The following CCNYL1 variants were observed in gnomAD, a reference collection of about 807,000 sequenced individuals.
CCNYL1 encodes the protein cyclin Y like 1.
Under a neutral mutation model 44.2 loss-of-function variants are expected in CCNYL1, and 16 were observed. The observed-to-expected ratio is 0.36, with a 90% confidence interval of 0.25 to 0.55. The LOEUF is 0.55. Ranked by LOEUF, CCNYL1 falls within the 20% of genes least tolerant of loss-of-function variation. CCNYL1 has a pLI of 0.85. For synonymous variants in CCNYL1, 159 were observed against 163.2 expected, an observed-to-expected ratio of 0.97 and a Z score of 0.20; for missense variants, 348 against 451.8, an observed-to-expected ratio of 0.77 and a Z score of 2.08.
chr2:207,712,006 C>T lies in CCNYL1; in HGVS notation c.110C>T (p.Ser37Phe). Reference sequence around the variant, plus strand: ...GCGTCCGACATCTACGAGGCGGTGTCCGGGGACGCGGTGGCGGTAGCGCCC... The same window carrying T: ...GCGTCCGACATCTACGAGGCGGTGTTCGGGGACGCGGTGGCGGTAGCGCCC... ...YCASDIYEAV[S>F]GDAVAVAPAV... The change falls in exon 1 of 10, where the codon TCC (serine) becomes TTC (phenylalanine). Residue 37 changes from serine (S) to phenylalanine (F), a missense_variant. Ser to Phe is a radical substitution (Grantham distance 155). Transcript: ENST00000295414. 6.1e-6 allele frequency: 9 copies of T among 1,478,964 alleles called. No individual in the cohort carries two copies. Among genetic ancestry groups the T allele is most frequent in the Non-Finnish European group, 8.1e-6 (9 of 1,113,852 alleles). 91.6% of individuals were successfully genotyped at this position (1,478,964 alleles called of 1,614,324 possible). A position where few individuals can be genotyped will look rare whatever the true frequency, so the allele number is the denominator to read the frequency against.
intron 5 of CCNYL1, among the ~76,000 whole-genome samples, chr2:207,739,429 C>G (rs1375096457): frequency 6.6e-6 from 1 of 152,100 alleles, no homozygotes; most frequent in Non-Finnish European, 1.5e-5. Context: ...GGGGTTTCAC[C>G]CTGTTGGCCA....
At chr2:207,713,005 G>A (rs1379789356) in intron 1 of CCNYL1, among the ~76,000 whole-genome samples, 6 of 151,934 alleles carry the variant, frequency 3.9e-5, no homozygotes, top group Admixed American at 6.6e-5. Flanking sequence ...TAGTAGAGAC[G>A]GGGTTTCACC....
chr2:207,715,603 C>T (rs1260208325), intron 1 of CCNYL1, among the ~76,000 whole-genome samples: 2 of 151,418 alleles, frequency 1.3e-5, no homozygotes, highest in East Asian at 2.0e-4. Context: ...TGGTCTCGAA[C>T]TCCTGACCTC....
chr2:207,721,788 G>A (rs1044268754), intron 1 of CCNYL1, among the ~76,000 whole-genome samples: 1 of 149,786 alleles, frequency 6.7e-6, no homozygotes, highest in African/African-American at 2.5e-5. Context: ...AGGCTGGAGT[G>A]CAGTGGCGCC....
chr2:207,743,329 C>T (rs183434054), intron 7 of CCNYL1, among the ~76,000 whole-genome samples: 1 of 152,222 alleles, frequency 6.6e-6, no homozygotes, highest in East Asian at 1.9e-4. Context: ...GCTCTATGTG[C>T]CTGTGAGGTA....
chr2:207,711,970 A>G lies in CCNYL1; in HGVS notation c.74A>G (p.Glu25Gly). The G allele has an allele frequency of 7.0e-7, 1 of 1,431,360 alleles. No individual in the cohort carries two copies. Among genetic ancestry groups the G allele is most frequent in the Non-Finnish European group, 9.2e-7 (1 of 1,089,816 alleles). The allele number at this position is 1,431,360 out of a possible 1,614,324, so 88.7% of individuals were successfully genotyped here. The change falls in exon 1 of 10, where the codon GAG (glutamate) becomes GGG (glycine). Residue 25 changes from glutamate to glycine, a missense_variant. Coordinates refer to ENST00000295414, the MANE Select transcript of CCNYL1 (RefSeq NM_001330218.2). The part of the protein sequence containing the change: ...PKLGRRAGSA[E>G]LYCASDIYEA... ...CTGGGCCGGCGCGCGGGGTCGGCGG[A>G]GCTGTACTGCGCGTCCGACATCTAC...
intron 6 of CCNYL1, among the ~76,000 whole-genome samples, chr2:207,741,661 A>G (rs1331187546): frequency 2.0e-5 from 3 of 152,028 alleles, no homozygotes; most frequent in Non-Finnish European, 2.9e-5. Context: ...CCTGGCCAGC[A>G]TGGTGAAACC....
chr2:207,746,121 G>A (rs1287752386), intron 7 of CCNYL1, among the ~76,000 whole-genome samples: 2 of 152,152 alleles, frequency 1.3e-5, no homozygotes, highest in Non-Finnish European at 2.9e-5. Context: ...CAGGTTTAGA[G>A]GAATACCAGG....
chr2:207,737,893 A>T (rs2091777527), intron 5 of CCNYL1, among the ~76,000 whole-genome samples: 1 of 152,036 alleles, frequency 6.6e-6, no homozygotes, highest in Non-Finnish European at 1.5e-5. Flanking sequence ...ATGAAAAATA[A>T]CTCTCTTCTA....
chr2:207,751,243 C>T (rs1305299733), intron 9 of CCNYL1, 124 bp downstream of exon 9: 1 of 757,898 alleles, frequency 1.3e-6, no homozygotes, highest in East Asian at 2.7e-5. Flanking sequence ...CACTGAAGAG[C>T]TTATTAGCCC....
intron 1 of CCNYL1, chr2:207,714,402 TCCTC>T: frequency 2.4e-6 from 1 of 415,154 alleles, no homozygotes; most frequent in Non-Finnish European, 4.6e-6. Flanking sequence ...GCTCAAGCAG[TCCTC>T]CCACCTCAGC....
chr2:207,728,853 G>T (rs1483862508), intron 3 of CCNYL1, among the ~76,000 whole-genome samples: 2 of 151,964 alleles, frequency 1.3e-5, no homozygotes, highest in Non-Finnish European at 2.9e-5. Context: ...CTTGAGTGCA[G>T]TGGCGTGATC....
chr2:207,729,546 G>A (rs1424940842), intron 3 of CCNYL1, among the ~76,000 whole-genome samples: 1 of 152,058 alleles, frequency 6.6e-6, no homozygotes, highest in Non-Finnish European at 1.5e-5. Context: ...GTTAACTGAT[G>A]ATTCTTACTG....
intron 1 of CCNYL1, among the ~76,000 whole-genome samples, chr2:207,723,421 T>A (rs910479824): frequency 3.3e-5 from 5 of 152,250 alleles, no homozygotes; most frequent in African/African-American, 7.2e-5. Context: ...TTTGATTTTG[T>A]AAGAGCCAGG....
intron 3 of CCNYL1, among the ~76,000 whole-genome samples, chr2:207,731,515 A>AT (rs946133679): frequency 6.6e-6 from 1 of 151,730 alleles, no homozygotes; most frequent in Non-Finnish European, 1.5e-5. Context: ...TGTTGTTTGG[A>AT]TTTTTTTTAA....
intron 5 of CCNYL1, among the ~76,000 whole-genome samples, chr2:207,737,649 G>T (rs894238837): frequency 3.3e-5 from 5 of 151,492 alleles, no homozygotes; most frequent in African/African-American, 4.9e-5. Flanking sequence ...TGTTTATGTT[G>T]GTTATATTGA....
chr2:207,740,795 T>A, intron 6 of CCNYL1, 89 bp downstream of exon 6: 1 of 754,692 alleles, frequency 1.3e-6, no homozygotes, highest in Non-Finnish European at 2.3e-6. Context: ...CTAACAAATA[T>A]ACATGATCTC....
intron 6 of CCNYL1, among the ~76,000 whole-genome samples, chr2:207,741,116 A>G (rs961201469): frequency 3.3e-5 from 5 of 152,022 alleles, no homozygotes; most frequent in Admixed American, 2.0e-4. Context: ...TTAGCCGGGC[A>G]CGGTGGCAGG....
At position 207,722,175 on chromosome 2, in the gene CCNYL1, C is replaced by T. The variant is rs373974104; in HGVS notation, c.221-2625C>T. On this transcript the variant is annotated intron_variant, in intron 1 of 9. Transcript: ENST00000295414. The stretch of plus-strand genomic sequence containing the variant: ...GCAACCTCTGCCTCCTGGGTTCAAG[C>T]GATTCTTCTGCTTCAGCCTCCCGAG... 2.1e-4 allele frequency among the ~76,000 whole-genome samples: 31 copies of T among 150,436 alleles called. No individual in the cohort carries two copies. The East Asian group carries it at 5.5e-3, about 26-fold the overall frequency.
Sources: gnomAD v4.1 joint callset for allele counts (sites outside exome capture counted in the v4.1 genomes callset) on GRCh38, gnomAD v4.1.1 for gene constraint, MANE v1.5 for transcripts, NCBI Gene and HGNC (gene_info 2026-07-23, HGNC 2026-07-21) for gene names.